Variants in PLEKHH2 observed in about 807,000 individuals in gnomAD.
PLEKHH2 encodes pleckstrin homology, MyTH4 and FERM domain containing H2, also known as pleckstrin homology domain-containing family H member 2.
Under a neutral mutation model 187.9 loss-of-function variants are expected in PLEKHH2, and 129 were observed. The ratio of observed to expected loss-of-function variants is 0.69; its 90% CI spans 0.59 to 0.79. The LOEUF (loss-of-function observed/expected upper bound fraction) is 0.79, where lower values mean the gene tolerates loss of function less well. Among genes scored for constraint, PLEKHH2 ranks in the 30% least tolerant of loss-of-function variants. The probability of loss-of-function intolerance (pLI) is 0.00; values close to 1 mark genes in which losing one functional copy is unlikely to be tolerated. For synonymous variants in PLEKHH2, 686 were observed against 605.6 expected (o/e 1.13, Z -1.95); for missense variants, 2,076 against 1,751.2 (o/e 1.19, Z -3.31).
Position 43,716,639 on chromosome 2 carries a change from T to C in PLEKHH2, c.2461-4030T>C, listed in dbSNP as rs191468834. ...AGTGGTTTTTTCTAACAGTTTATTA[T>C]ATAAATTTTCAAATATGCAAAAAAG... On this transcript the variant is annotated intron_variant, in intron 15 of 29. Coordinates refer to ENST00000282406, the MANE Select transcript of PLEKHH2 (RefSeq NM_172069.4). Among the ~76,000 whole-genome samples, 395 of 152,336 alleles carry C rather than the reference T, an allele frequency of 2.6e-3. 6 individuals carry two copies. Among genetic ancestry groups the C allele is most frequent in the Non-Finnish European group, 1.1e-3 (72 of 68,030 alleles).
intron 22 of PLEKHH2, 148 bp from the exon 23 acceptor site, chr2:43,743,686 C>A: frequency 2.7e-6 from 2 of 751,536 alleles, no homozygotes; most frequent in Admixed American, 3.4e-5. Context: ...TAATTTTCTC[C>A]AGAGGAGCTT....
At chr2:43,686,657 G>A (rs1249447313) in intron 3 of PLEKHH2, among the ~76,000 whole-genome samples, 2 of 152,196 alleles carry the variant, frequency 1.3e-5, no homozygotes, top group African/African-American at 4.8e-5. Flanking sequence ...ACTTCTGCAA[G>A]AAGAATCCTA....
intron 16 of PLEKHH2, among the ~76,000 whole-genome samples, chr2:43,723,668 C>G (rs1340584621): frequency 6.6e-6 from 1 of 152,154 alleles, no homozygotes; most frequent in East Asian, 1.9e-4. Context: ...CTTCTTGCAC[C>G]TGCTGCTTTT....
intron 7 of PLEKHH2, 58 bp downstream of exon 7, chr2:43,697,414 C>A: frequency 2.9e-6 from 4 of 1,397,938 alleles, no homozygotes; most frequent in Non-Finnish European, 3.9e-6. Context: ...GACTCATTTG[C>A]TAAGATTAAT....
intron 3 of PLEKHH2, among the ~76,000 whole-genome samples, chr2:43,691,087 A>G (rs146351626): frequency 6.6e-6 from 1 of 152,184 alleles, no homozygotes; most frequent in Non-Finnish European, 1.5e-5. Flanking sequence ...AGCACCACTC[A>G]ACCTCCAGCC....
intron 3 of PLEKHH2, among the ~76,000 whole-genome samples, chr2:43,683,843 C>A (rs935261846): frequency 4.0e-5 from 6 of 151,662 alleles, no homozygotes; most frequent in African/African-American, 1.5e-4. Flanking sequence ...ATGATTTCAT[C>A]AGGGAGGTTA....
At chr2:43,674,818 C>G (rs1249255195) in intron 2 of PLEKHH2, among the ~76,000 whole-genome samples, 1 of 152,024 alleles carries the variant, frequency 6.6e-6, no homozygotes, top group Non-Finnish European at 1.5e-5. Flanking sequence ...AACGCTGTCT[C>G]TACTAAAAAT....
chr2:43,641,334 G>C (rs1391513270), intron 1 of PLEKHH2, among the ~76,000 whole-genome samples: 1 of 151,998 alleles, frequency 6.6e-6, no homozygotes, highest in African/African-American at 2.4e-5. Context: ...CTAAGAATCT[G>C]TTGCCTAATC....
At chr2:43,687,154 C>G (rs1271761458) in intron 3 of PLEKHH2, among the ~76,000 whole-genome samples, 1 of 152,182 alleles carries the variant, frequency 6.6e-6, no homozygotes, top group Non-Finnish European at 1.5e-5. Flanking sequence ...CTCTTGCTCC[C>G]TGTCTCATAG....
At chr2:43,765,307 G>A in intron 29 of PLEKHH2, 106 bp from the exon 30 acceptor site, 1 of 1,023,246 alleles carries the variant, frequency 9.8e-7, no homozygotes, top group Non-Finnish European at 1.4e-6. Flanking sequence ...AATTCTGGTA[G>A]CCTGGGCACT....
Position 43,710,587 on chromosome 2 carries a change from T to A in PLEKHH2, c.2301+12T>A. 9.3e-7 allele frequency: 1 copy of A among 1,070,186 alleles called. No homozygotes were observed. Among genetic ancestry groups the A allele is most frequent in the African/African-American group, 3.3e-5 (1 of 30,482 alleles). 66.3% of individuals were successfully genotyped at this position (1,070,186 alleles called of 1,614,324 possible). A position where few individuals can be genotyped will look rare whatever the true frequency, so the allele number is the denominator to read the frequency against. On this transcript the variant is annotated intron_variant, in intron 14 of 29. Transcript: ENST00000282406. ...AACAAACAGTTCAGGTACTTAACTT[T>A]TTTTTTTTTTTTTTTTTTTTTGTAT...
At chr2:43,685,491 G>A (rs1668458632) in intron 3 of PLEKHH2, among the ~76,000 whole-genome samples, 1 of 151,892 alleles carries the variant, frequency 6.6e-6, no homozygotes, top group Non-Finnish European at 1.5e-5. Flanking sequence ...GCAGTGATGC[G>A]ATCTCAGCTC....
intron 2 of PLEKHH2, among the ~76,000 whole-genome samples, chr2:43,670,696 C>T (rs895544965): frequency 1.3e-5 from 2 of 151,446 alleles, no homozygotes; most frequent in Non-Finnish European, 1.5e-5. Context: ...GATTCTTCTT[C>T]TTAATTTGTG....
At chr2:43,718,537 CA>C (rs751090843) in intron 15 of PLEKHH2, among the ~76,000 whole-genome samples, 3,264 of 103,646 alleles carry the variant, frequency 0.031, 101 homozygotes, top group African/African-American at 0.099. Context: ...GACTCCGTCT[CA>C]AAAAAAAAAA....
chr2:43,652,063 T>C (rs2722950), intron 2 of PLEKHH2, among the ~76,000 whole-genome samples: 151,826 of 152,356 alleles, frequency 1, 75,648 homozygotes, highest in Middle Eastern at 1. Flanking sequence ...TTTTCTTTAG[T>C]GTGAGAGGGT....
intron 15 of PLEKHH2, among the ~76,000 whole-genome samples, chr2:43,719,076 C>T (rs1010756860): frequency 6.6e-6 from 1 of 152,180 alleles, no homozygotes. Flanking sequence ...TCATTTGGTT[C>T]TCACAACAGC....
intron 2 of PLEKHH2, among the ~76,000 whole-genome samples, chr2:43,667,694 C>T (rs1667281297): frequency 6.6e-6 from 1 of 152,150 alleles, no homozygotes; most frequent in African/African-American, 2.4e-5. Context: ...CACAGAAGGT[C>T]ACATGTTATA....
intron 17 of PLEKHH2, among the ~76,000 whole-genome samples, chr2:43,729,399 T>G (rs1670927913): frequency 6.6e-6 from 1 of 152,248 alleles, no homozygotes; most frequent in South Asian, 2.1e-4. Flanking sequence ...AATTTTGTCA[T>G]GCTTTTCTAA....
intron 15 of PLEKHH2, among the ~76,000 whole-genome samples, 199 bp downstream of exon 15, chr2:43,712,582 A>C (rs1670020470): frequency 6.6e-6 from 1 of 152,260 alleles, no homozygotes; most frequent in South Asian, 2.1e-4. Context: ...TAATATGTAA[A>C]AATGTAAAGG....
Sources: allele counts gnomAD v4.1 joint callset (sites outside exome capture counted in the v4.1 genomes callset), GRCh38; gene constraint gnomAD v4.1.1; transcripts MANE v1.5; gene names NCBI Gene and HGNC (gene_info 2026-07-23, HGNC 2026-07-21).